The following DENND1B variants were observed in gnomAD, a reference collection of about 807,000 sequenced individuals.
The protein encoded by DENND1B is DENN domain containing 1B.
In DENND1B, 59 loss-of-function variants were observed where a neutral mutation model predicts 90.1. The ratio of observed to expected loss-of-function variants is 0.65; its 90% confidence interval spans 0.53 to 0.81. The LOEUF (loss-of-function observed/expected upper bound fraction) is 0.81. DENND1B is among the 40% of genes least tolerant of loss of function. The probability of loss-of-function intolerance (pLI) is 0.00; values close to 1 mark genes in which losing one functional copy is unlikely to be tolerated. For missense variants in DENND1B, 862 were observed against 912.6 expected (o/e 0.94, Z 0.71); for synonymous variants, 337 against 324.6 (o/e 1.04, Z -0.41).
intron 1 of DENND1B, among the ~76,000 whole-genome samples, chr1:197,773,584 A>C (rs1558507432): frequency 6.6e-6 from 1 of 152,238 alleles, no homozygotes; most frequent in Non-Finnish European, 1.5e-5. Context: ...CCTTCTTTTT[A>C]TCCATTATCT....
At chr1:197,563,002 T>C (rs997751271) in intron 15 of DENND1B, among the ~76,000 whole-genome samples, 41 of 152,010 alleles carry the variant, frequency 2.7e-4, no homozygotes, top group African/African-American at 9.6e-4. Flanking sequence ...TCTTCAATTA[T>C]ATGAAGGGTG....
intron 2 of DENND1B, among the ~76,000 whole-genome samples, chr1:197,736,334 C>T (rs1662686993): frequency 6.6e-6 from 1 of 151,878 alleles, no homozygotes; most frequent in African/African-American, 2.4e-5. Flanking sequence ...TTCTTTCTAC[C>T]TGTCTGTCTG....
intron 15 of DENND1B, among the ~76,000 whole-genome samples, chr1:197,554,273 G>A (rs1196401743): frequency 6.6e-6 from 1 of 152,000 alleles, no homozygotes; most frequent in East Asian, 1.9e-4. Context: ...TGCTTAAGAG[G>A]CAGGGGATAA....
intron 3 of DENND1B, among the ~76,000 whole-genome samples, chr1:197,709,777 G>A (rs1329831891): frequency 7.5e-6 from 1 of 134,080 alleles, no homozygotes; most frequent in African/African-American, 3.1e-5. Context: ...AAAAGACACA[G>A]ACTGGCAAGT....
At chr1:197,726,170 G>A (rs1346690830) in intron 2 of DENND1B, among the ~76,000 whole-genome samples, 2 of 152,114 alleles carry the variant, frequency 1.3e-5, no homozygotes, top group Admixed American at 6.5e-5. Context: ...AAGGGTCCAA[G>A]AGTCCAATGG....
chr1:197,718,526 G>T (rs973503944), intron 2 of DENND1B, among the ~76,000 whole-genome samples: 1 of 151,858 alleles, frequency 6.6e-6, no homozygotes, highest in African/African-American at 2.4e-5. Context: ...ACAAAACAGG[G>T]TCTACCACTT....
chr1:197,688,846 T>G (rs1004922126), intron 3 of DENND1B: 1 of 207,972 alleles, frequency 4.8e-6, no homozygotes, highest in East Asian at 1.1e-4. Flanking sequence ...ATCCAGTCTA[T>G]AAATGTGGTG....
intron 2 of DENND1B, among the ~76,000 whole-genome samples, chr1:197,738,427 G>T (rs1030798204): frequency 1.4e-4 from 21 of 152,134 alleles, no homozygotes; most frequent in African/African-American, 4.8e-4. Flanking sequence ...TCCACAATTG[G>T]TGAATGTGAC....
intron 14 of DENND1B, among the ~76,000 whole-genome samples, chr1:197,583,656 T>C (rs961013990): frequency 2.6e-5 from 4 of 152,216 alleles, no homozygotes; most frequent in African/African-American, 9.6e-5. Context: ...TCGCACTTAG[T>C]TGTTATGATC....
chr1:197,517,336 T>G (rs1668469575), intron 20 of DENND1B, among the ~76,000 whole-genome samples: 1 of 151,910 alleles, frequency 6.6e-6, no homozygotes, highest in Non-Finnish European at 1.5e-5. Flanking sequence ...CACTTGCCTT[T>G]CATTCATTAG....
chr1:197,779,584 G>A (rs1037398083), upstream of DENND1B, among the ~76,000 whole-genome samples: 4 of 151,710 alleles, frequency 2.6e-5, no homozygotes, highest in South Asian at 2.1e-4. Flanking sequence ...ATCTGTCTAC[G>A]CTGTATTCTG....
chr1:197,513,929 T>C (rs1045095058), intron 20 of DENND1B, among the ~76,000 whole-genome samples: 4 of 151,676 alleles, frequency 2.6e-5, no homozygotes, highest in Non-Finnish European at 5.9e-5. Context: ...TTCTTTTTCA[T>C]CTTCCTTTGA....
chr1:197,695,779 C>A (rs537116239), intron 3 of DENND1B, among the ~76,000 whole-genome samples: 95 of 151,100 alleles, frequency 6.3e-4, no homozygotes, highest in South Asian at 1.0e-3. Context: ...AATCCACGAT[C>A]ATTTAAATAT....
chr1:197,678,117 G>A (rs1331118865), intron 3 of DENND1B, among the ~76,000 whole-genome samples: 1 of 152,140 alleles, frequency 6.6e-6, no homozygotes, highest in Non-Finnish European at 1.5e-5. Context: ...AAGGGAAATG[G>A]TTATCTATGC....
chr1:197,730,084 T>C (rs534902407), intron 2 of DENND1B, among the ~76,000 whole-genome samples: 4 of 152,128 alleles, frequency 2.6e-5, no homozygotes, highest in Non-Finnish European at 5.9e-5. Context: ...CACAAAGAAT[T>C]TTAAAAACAG....
intron 15 of DENND1B, among the ~76,000 whole-genome samples, chr1:197,580,300 G>A (rs1288161371): frequency 6.5e-5 from 9 of 138,110 alleles, no homozygotes; most frequent in Non-Finnish European, 1.2e-4. Flanking sequence ...GGGTTTCACC[G>A]TATTAGCCAG....
At chr1:197,765,286 A>C (rs559122179) in intron 2 of DENND1B, among the ~76,000 whole-genome samples, 1 of 152,342 alleles carries the variant, frequency 6.6e-6, no homozygotes, top group South Asian at 2.1e-4. Flanking sequence ...AAGTTTTTCA[A>C]TGTTAAACAT....
intron 15 of DENND1B, among the ~76,000 whole-genome samples, chr1:197,575,686 T>C (rs1673610656): frequency 6.6e-6 from 1 of 152,216 alleles, no homozygotes; most frequent in African/African-American, 2.4e-5. Context: ...ACAACCCAAA[T>C]GTCCATCAAT....
At position 197,511,964 on chromosome 1, in the gene DENND1B, G is replaced by T. The variant is rs372937455; in HGVS notation, c.1599-20C>A. On this transcript the variant is annotated intron_variant, in intron 21 of 22. Coordinates refer to ENST00000620048, the MANE Select transcript of DENND1B (RefSeq NM_001195215.2). ...GATAACCTGAAGAAAAATAAAACAC[G>T]CAGTAGTAGGTAAATAACCATATTT... is the stretch of plus-strand genomic sequence containing the variant. 2 of 1,572,706 alleles carry T rather than the reference G, an allele frequency of 1.3e-6. No homozygotes were observed. Among genetic ancestry groups the T allele is most frequent in the Non-Finnish European group, 1.7e-6 (2 of 1,151,342 alleles).
Sources: gnomAD v4.1 joint callset for allele counts (sites outside exome capture counted in the v4.1 genomes callset) on GRCh38, gnomAD v4.1.1 for gene constraint, MANE v1.5 for transcripts, NCBI Gene and HGNC (gene_info 2026-07-23, HGNC 2026-07-21) for gene names.